The following DPYD variants were observed in gnomAD, a reference collection of about 807,000 sequenced individuals.
The protein encoded by DPYD is dihydropyrimidine dehydrogenase [NADP(+)].
DPYD carries 109 observed loss-of-function variants against 116.2 expected under a neutral mutation model. The ratio of observed to expected loss-of-function variants is 0.94; its 90% CI spans 0.80 to 1.10. The LOEUF (loss-of-function observed/expected upper bound fraction) is 1.10, where lower values mean the gene tolerates loss of function less well. Among genes scored for constraint, DPYD ranks in the 50% least tolerant of loss-of-function variants. The probability of loss-of-function intolerance (pLI) is 0.00; values close to 1 mark genes in which losing one functional copy is unlikely to be tolerated. For synonymous variants in DPYD, 440 were observed against 432.0 expected, an observed-to-expected ratio of 1.02 and a Z score of -0.23; for missense variants, 1,302 against 1,254.5, an observed-to-expected ratio of 1.04 and a Z score of -0.57.
chr1:97,202,324 G>A (rs1345387817), intron 19 of DPYD, among the ~76,000 whole-genome samples: 3 of 151,984 alleles, frequency 2.0e-5, no homozygotes, highest in Admixed American at 6.6e-5. Flanking sequence ...CCTCTGAAAC[G>A]ATAAATTCTC....
rs1159538494 is a variant in DPYD, at chr1:97,117,370, C to T, written c.2623-18738G>A. 3.3e-5 allele frequency among the ~76,000 whole-genome samples: 5 copies of T among 152,204 alleles called. No homozygotes were observed. The East Asian group carries it at 9.6e-4, about 29-fold the overall frequency. ...TCCTGAACAATCTTCACTAGAAGAT[C>T]GTTTCAGAACCATATGCTAAAGCAA... is the stretch of plus-strand genomic sequence containing the variant. On this transcript the variant is annotated intron_variant, in intron 20 of 22. Transcript: ENST00000370192.
intron 18 of DPYD, among the ~76,000 whole-genome samples, chr1:97,243,316 G>T (rs1340360431): frequency 2.0e-5 from 3 of 151,866 alleles, no homozygotes; most frequent in East Asian, 3.8e-4. Flanking sequence ...AAATATAAAT[G>T]CTCCTCTTTT....
At chr1:97,778,649 T>C (rs535530000) in intron 3 of DPYD, among the ~76,000 whole-genome samples, 2 of 152,306 alleles carry the variant, frequency 1.3e-5, no homozygotes, top group Admixed American at 1.3e-4. Context: ...CACTTACTAC[T>C]TAAATGTATC....
intron 11 of DPYD, among the ~76,000 whole-genome samples, chr1:97,555,783 C>T (rs915422357): frequency 1.3e-5 from 2 of 152,160 alleles, no homozygotes; most frequent in African/African-American, 4.8e-5. Context: ...AAGCCATTCT[C>T]TCCACATGGG....
rs560373827 is a variant in DPYD, at chr1:97,620,614, G to T, written c.851-25448C>A. ...ACATAGTTGGCCAAAATTTATTTCAGTGAAGTTTCAGATAAATTACAATTT... is the reference window on the plus strand; with the variant it reads ...ACATAGTTGGCCAAAATTTATTTCATTGAAGTTTCAGATAAATTACAATTT... On this transcript the variant is annotated intron_variant, in intron 8 of 22. Coordinates refer to ENST00000370192, the MANE Select transcript of DPYD (RefSeq NM_000110.4). 2.8e-4 allele frequency among the ~76,000 whole-genome samples: 43 copies of T among 152,240 alleles called. 1 individual carries two copies. Among genetic ancestry groups the T allele is most frequent in the Admixed American group, 2.7e-3 (41 of 15,282 alleles).
intron 13 of DPYD, among the ~76,000 whole-genome samples, chr1:97,504,248 TAC>T (rs1213268172): frequency 6.6e-6 from 1 of 152,014 alleles, no homozygotes; most frequent in Non-Finnish European, 1.5e-5. Flanking sequence ...GTGCACCGTA[TAC>T]AGTGTCCCAC....
chr1:97,343,768 C>G (rs1365702619), intron 16 of DPYD, among the ~76,000 whole-genome samples: 1 of 151,744 alleles, frequency 6.6e-6, no homozygotes, highest in East Asian at 1.9e-4. Context: ...CTTTTGTGGT[C>G]AGGTATGAAA....
chr1:97,357,950 T>C (rs1437975741), intron 16 of DPYD, among the ~76,000 whole-genome samples: 1 of 152,136 alleles, frequency 6.6e-6, no homozygotes, highest in Non-Finnish European at 1.5e-5. Context: ...TTGGGACTGG[T>C]TGGACAGTGG....
chr1:97,185,406 T>C (rs1340434960), intron 20 of DPYD, among the ~76,000 whole-genome samples: 1 of 152,126 alleles, frequency 6.6e-6, no homozygotes, highest in Admixed American at 6.6e-5. Flanking sequence ...GTAAAGCCAC[T>C]TTGGAACTCT....
At chr1:97,539,416 T>C (rs1035955400) in intron 12 of DPYD, among the ~76,000 whole-genome samples, 1 of 152,198 alleles carries the variant, frequency 6.6e-6, no homozygotes, top group Non-Finnish European at 1.5e-5. Flanking sequence ...CAAATTATTT[T>C]ATTTGAATTT....
chr1:97,142,893 C>T lies in DPYD; in HGVS notation c.2623-44261G>A, dbSNP rs12025602. Among the ~76,000 whole-genome samples, 343 of 151,914 alleles carry T rather than the reference C, an allele frequency of 2.3e-3. 9 individuals carry two copies. The East Asian group carries it at 0.058, about 26-fold the overall frequency. On this transcript the variant is annotated intron_variant, in intron 20 of 22. Coordinates refer to ENST00000370192, the MANE Select transcript of DPYD (RefSeq NM_000110.4). ...TAATTCTTTAGAGACTTATAGAAAACTTTCAAAAGCTATTGCTTTCATTTT... is the reference window on the plus strand; with the variant it reads ...TAATTCTTTAGAGACTTATAGAAAATTTTCAAAAGCTATTGCTTTCATTTT...
Position 97,893,200 on chromosome 1 carries a change from A to G in DPYD, c.40-9826T>C, listed in dbSNP as rs547940626. Among the ~76,000 whole-genome samples the G allele has an allele frequency of 1.3e-4, 19 of 151,532 alleles. No homozygotes were observed. The South Asian group carries it at 4.0e-3, about 32-fold the overall frequency. On this transcript the variant is annotated intron_variant, in intron 1 of 22. Transcript: ENST00000370192. ...TTAAGTACAGGAATATAGAAAAAGG[A>G]TGAAGACAACAGGTGAGAAAATATC...
intron 12 of DPYD, among the ~76,000 whole-genome samples, chr1:97,528,382 C>T (rs1649310630): frequency 6.6e-6 from 1 of 152,074 alleles, no homozygotes; most frequent in African/African-American, 2.4e-5. Flanking sequence ...TGTTCACATT[C>T]TTCTATACTT....
chr1:97,489,676 T>C (rs181960709), intron 13 of DPYD, among the ~76,000 whole-genome samples: 3 of 152,308 alleles, frequency 2.0e-5, no homozygotes, highest in South Asian at 2.1e-4. Context: ...CCCTGAGTAC[T>C]TGCTAAAGTT....
intron 13 of DPYD, among the ~76,000 whole-genome samples, chr1:97,455,378 G>T (rs1216830171): frequency 6.6e-6 from 1 of 151,858 alleles, no homozygotes; most frequent in African/African-American, 2.4e-5. Flanking sequence ...CCAAGATTCT[G>T]CTGTAAATAT....
chr1:97,207,317 C>A (rs1199419038), intron 19 of DPYD, among the ~76,000 whole-genome samples: 1 of 152,158 alleles, frequency 6.6e-6, no homozygotes, highest in Non-Finnish European at 1.5e-5. Context: ...CTCATTGCAT[C>A]ATTTATACAT....
chr1:97,181,454 C>A (rs563171344), intron 20 of DPYD, among the ~76,000 whole-genome samples: 9 of 152,144 alleles, frequency 5.9e-5, no homozygotes, highest in South Asian at 4.2e-4. Context: ...CAATTTACTG[C>A]CCAAACTTGA....
chr1:97,842,951 T>C (rs576284019), intron 2 of DPYD, among the ~76,000 whole-genome samples: 1 of 152,250 alleles, frequency 6.6e-6, no homozygotes, highest in South Asian at 2.1e-4. Context: ...CAATAAATAT[T>C]TGTTAAATCC....
intron 20 of DPYD, among the ~76,000 whole-genome samples, chr1:97,140,397 A>C: frequency 6.6e-6 from 1 of 152,102 alleles, no homozygotes; most frequent in East Asian, 1.9e-4. Flanking sequence ...TGAAATGCCG[A>C]AGCATAGGAA....
Sources: gnomAD v4.1 joint callset for allele counts (sites outside exome capture counted in the v4.1 genomes callset) on GRCh38, gnomAD v4.1.1 for gene constraint, MANE v1.5 for transcripts, NCBI Gene and HGNC (gene_info 2026-07-23, HGNC 2026-07-21) for gene names.